The following FRMD4A variants were observed in gnomAD, a reference collection of about 807,000 sequenced individuals.
The protein encoded by FRMD4A is FERM domain containing 4A, also known as FERM domain-containing protein 4A.
In FRMD4A, 29 loss-of-function variants were observed where a neutral mutation model predicts 129.1. That is an observed-to-expected ratio of 0.22 (90% CI 0.17 to 0.31). The LOEUF (loss-of-function observed/expected upper bound fraction) is 0.31, where lower values mean the gene tolerates loss of function less well. Among genes scored for constraint, FRMD4A ranks in the 10% least tolerant of loss-of-function variants. The pLI is 1.00. For synonymous variants in FRMD4A, 634 were observed against 571.6 expected, an observed-to-expected ratio of 1.11 and a Z score of -1.56; for missense variants, 1,272 against 1,375.8, an observed-to-expected ratio of 0.92 and a Z score of 1.19.
At chr10:14,081,550 G>A (rs975699068) in intron 2 of FRMD4A, among the ~76,000 whole-genome samples, 2 of 152,194 alleles carry the variant, frequency 1.3e-5, no homozygotes, top group Non-Finnish European at 2.9e-5. Context: ...CCTCATAGGA[G>A]CAATTGAAGA....
intron 6 of FRMD4A, among the ~76,000 whole-genome samples, chr10:13,767,681 G>A (rs530884536): frequency 6.6e-6 from 1 of 152,350 alleles, no homozygotes; most frequent in South Asian, 2.1e-4. Context: ...TGGGATCATA[G>A]GAGGAGGAGC....
At chr10:13,842,916 G>C (rs1426656537) in intron 3 of FRMD4A, among the ~76,000 whole-genome samples, 1 of 152,092 alleles carries the variant, frequency 6.6e-6, no homozygotes, top group African/African-American at 2.4e-5. Context: ...TGTAAATGAA[G>C]GCTAAAGTAG....
At chr10:14,188,712 C>T (rs1430643204) in intron 2 of FRMD4A, among the ~76,000 whole-genome samples, 1 of 152,176 alleles carries the variant, frequency 6.6e-6, no homozygotes, top group East Asian at 1.9e-4. Flanking sequence ...TGAGACAAAC[C>T]TGGGCAACAT....
At chr10:14,083,440 A>C (rs1836051603) in intron 2 of FRMD4A, 3 of 152,444 alleles carry the variant, frequency 2.0e-5, no homozygotes, top group Admixed American at 6.5e-5. Flanking sequence ...ACACTCTACC[A>C]GCTCTGCAAG....
At chr10:14,150,849 C>A (rs1017832097) in intron 2 of FRMD4A, among the ~76,000 whole-genome samples, 3 of 152,144 alleles carry the variant, frequency 2.0e-5, no homozygotes, top group Non-Finnish European at 4.4e-5. Flanking sequence ...CACATCAGCG[C>A]TTTTAGAAAT....
In FRMD4A at chr10:13,657,490, C is replaced by T; in HGVS notation, c.2099G>A (p.Ser700Asn). 1 of 1,606,518 alleles carries T rather than the reference C, an allele frequency of 6.2e-7. No individual in the cohort carries two copies. The highest frequency in any genetic ancestry group is 8.5e-7 in the Non-Finnish European group (1 of 1,178,624). ...SVDISPTRLH[S>N]LALHFRHRSS... ...CCGGTGCCTAAAGTGCAGTGCGAGG[C>T]TGTGCAGTCGGGTGGGGCTGATGTC... Residue 700 changes from serine (S) to asparagine (N), a missense_variant, in exon 22 of 25, where the codon AGC (serine) becomes AAC (asparagine). Ser to Asn is a conservative substitution (Grantham distance 46). This residue lies in a region of FRMD4A where 972 missense variants were observed against 892.3 expected (regional missense o/e 1.09). Coordinates refer to ENST00000357447, the MANE Select transcript of FRMD4A (RefSeq NM_018027.5).
At chr10:13,857,411 A>G (rs1343446140) in intron 3 of FRMD4A, among the ~76,000 whole-genome samples, 1 of 152,244 alleles carries the variant, frequency 6.6e-6, no homozygotes, top group East Asian at 1.9e-4. Flanking sequence ...GCCATGCAAG[A>G]AATATAAATA....
rs536439834 is a variant in FRMD4A, at chr10:13,778,580, C to T, written c.384+4342G>A. Among the ~76,000 whole-genome samples, 11 of 149,956 alleles carry T rather than the reference C, an allele frequency of 7.3e-5. No individual in the cohort carries two copies. The East Asian group carries it at 2.0e-3, about 27-fold the overall frequency. The stretch of plus-strand genomic sequence containing the variant: ...GGTAGTTACAGAAGGAAAGTGATGG[C>T]TGATACTACCATTCCAACGTGTGTG... On this transcript the variant is annotated intron_variant, in intron 6 of 24. Coordinates refer to ENST00000357447, the MANE Select transcript of FRMD4A (RefSeq NM_018027.5).
Position 14,330,660 on chromosome 10 carries a change from A to T in FRMD4A, c.-145T>A, listed in dbSNP as rs1843484659. The T allele has an allele frequency of 2.5e-6, 1 of 397,898 alleles. No individual in the cohort carries two copies. Among genetic ancestry groups the T allele is most frequent in the Non-Finnish European group, 4.4e-6 (1 of 226,028 alleles). 24.6% of individuals were successfully genotyped at this position (397,898 alleles called of 1,614,324 possible). A position where few individuals can be genotyped will look rare whatever the true frequency, so the allele number is the denominator to read the frequency against. On this transcript the variant is annotated 5_prime_UTR_variant, in exon 1 of 25. It introduces an in-frame stop codon into an upstream open reading frame of the 5' UTR. Coordinates refer to ENST00000357447, the MANE Select transcript of FRMD4A (RefSeq NM_018027.5). ...GGTGTGTCCCTTTTTGCAAAATCAG[A>T]TATCTGGGAGTGAGACAGCCGAGTC...
chr10:13,816,506 C>A (rs2093545551), intron 3 of FRMD4A, among the ~76,000 whole-genome samples: 1 of 152,174 alleles, frequency 6.6e-6, no homozygotes, highest in African/African-American at 2.4e-5. Context: ...GGCACTGAGT[C>A]TTTTATTTTC....
At chr10:13,834,740 C>A (rs977762726) in intron 3 of FRMD4A, among the ~76,000 whole-genome samples, 2 of 152,146 alleles carry the variant, frequency 1.3e-5, no homozygotes, top group African/African-American at 4.8e-5. Context: ...GAACTGAGAC[C>A]AGCCTGTGTT....
chr10:14,141,581 A>AC (rs11392726), intron 2 of FRMD4A, among the ~76,000 whole-genome samples: 95,021 of 151,118 alleles, frequency 0.63, 29,971 homozygotes, highest in East Asian at 0.8. Flanking sequence ...CCCCTTCTCT[A>AC]CCCCTGCCAT....
In FRMD4A at chr10:13,903,435, G is replaced by A. The variant is rs569919723; in HGVS notation, c.46-44523C>T. Among the ~76,000 whole-genome samples the A allele has an allele frequency of 2.0e-5, 3 of 152,262 alleles. No homozygotes were observed. In the East Asian group the frequency reaches 5.8e-4, roughly 29 times the overall value. On this transcript the variant is annotated intron_variant, in intron 2 of 24. Coordinates refer to ENST00000357447, the MANE Select transcript of FRMD4A (RefSeq NM_018027.5). ...TTTGGAACATACTAAACATTCAATA[G>A]ATATTTGTTGAGGCCGTGCATGGTG...
chr10:14,000,757 A>G (rs560613985), intron 2 of FRMD4A, among the ~76,000 whole-genome samples: 1 of 152,110 alleles, frequency 6.6e-6, no homozygotes, highest in East Asian at 1.9e-4. Flanking sequence ...GACACACAAA[A>G]GGGACTTTGT....
intron 2 of FRMD4A, among the ~76,000 whole-genome samples, chr10:13,877,944 C>T (rs77536554): frequency 0.013 from 2,042 of 152,134 alleles, 32 homozygotes; most frequent in East Asian, 0.066. Context: ...GTGGAAAGAG[C>T]GAGGGAGAGG....
chr10:14,005,598 C>A (rs1256547121), intron 2 of FRMD4A, among the ~76,000 whole-genome samples: 1 of 152,172 alleles, frequency 6.6e-6, no homozygotes, highest in East Asian at 1.9e-4. Context: ...AATGGCATAT[C>A]TTCTATATTT....
At chr10:13,726,820 T>C (rs568484954) in intron 12 of FRMD4A, among the ~76,000 whole-genome samples, 1 of 152,304 alleles carries the variant, frequency 6.6e-6, no homozygotes, top group East Asian at 1.9e-4. Context: ...TAGGCTGGTC[T>C]CCAACTGCTA....
Position 13,765,672 on chromosome 10 carries a change from C to T in FRMD4A, c.385-2992G>A, listed in dbSNP as rs941358701. On this transcript the variant is annotated intron_variant, in intron 6 of 24. Coordinates refer to ENST00000357447, the MANE Select transcript of FRMD4A (RefSeq NM_018027.5). ...CGTTTAACCAGCTGAAAGAGCTTTACGGCGGTTGGAATTGATAGAGGCTGT... is the reference window on the plus strand; with the variant it reads ...CGTTTAACCAGCTGAAAGAGCTTTATGGCGGTTGGAATTGATAGAGGCTGT... 2.0e-4 allele frequency among the ~76,000 whole-genome samples: 30 copies of T among 152,116 alleles called. 1 individual carries two copies. The highest frequency in any genetic ancestry group is 1.8e-3 in the Admixed American group (27 of 15,268).
At chr10:13,909,767 C>T (rs2094922453) in intron 2 of FRMD4A, among the ~76,000 whole-genome samples, 1 of 152,208 alleles carries the variant, frequency 6.6e-6, no homozygotes, top group African/African-American at 2.4e-5. Flanking sequence ...AGGAGGAAGT[C>T]TTGCCTAAGA....
Sources: allele counts gnomAD v4.1 joint callset (sites outside exome capture counted in the v4.1 genomes callset), GRCh38; gene constraint gnomAD v4.1.1; regional missense constraint gnomAD v4.1.1; transcripts MANE v1.5; gene names NCBI Gene and HGNC (gene_info 2026-07-23, HGNC 2026-07-21).